Variants in ARL15 observed in about 807,000 individuals in gnomAD.
ARL15 encodes ARF like GTPase 15, also known as ADP-ribosylation factor-like protein 15.
In ARL15, 19 loss-of-function variants were observed where a neutral mutation model predicts 25.2. The ratio of observed to expected loss-of-function variants is 0.75; its 90% CI spans 0.53 to 1.10. ARL15 has a LOEUF of 1.10. ARL15 is among the 50% of genes least tolerant of loss of function. The probability of loss-of-function intolerance (pLI) is 0.00; values close to 1 mark genes in which losing one functional copy is unlikely to be tolerated. For missense variants in ARL15, 220 were observed against 246.0 expected, an observed-to-expected ratio of 0.89 and a Z score of 0.71; for synonymous variants, 94 against 86.8, an observed-to-expected ratio of 1.08 and a Z score of -0.46.
At position 54,193,368 on chromosome 5, in the gene ARL15, C is replaced by T. The variant is rs140281961; in HGVS notation, c.49-21440G>A. Among the ~76,000 whole-genome samples, 10 of 152,258 alleles carry T rather than the reference C, an allele frequency of 6.6e-5. No individual in the cohort carries two copies. The East Asian group carries it at 1.9e-3, about 29-fold the overall frequency. On this transcript the variant is annotated intron_variant, in intron 1 of 4. Coordinates refer to ENST00000504924, the MANE Select transcript of ARL15 (RefSeq NM_019087.3). ...TACTCTAATCCAGGGGTCCTCAACC[C>T]CCAGGCAGTGAACCGGTACTGGTCC...
chr5:53,913,355 C>T (rs1296092303), intron 4 of ARL15, among the ~76,000 whole-genome samples: 1 of 152,152 alleles, frequency 6.6e-6, no homozygotes, highest in South Asian at 2.1e-4. Context: ...CAGATCCTAT[C>T]CCCTTAACTG....
chr5:53,897,844 G>T (rs78871230), intron 4 of ARL15, among the ~76,000 whole-genome samples: 3,253 of 152,174 alleles, frequency 0.021, 119 homozygotes, highest in African/African-American at 0.073. Flanking sequence ...GGGGGTTGGG[G>T]TGCTGACGGC....
chr5:53,976,529 G>A lies in ARL15; in HGVS notation c.463-89816C>T, dbSNP rs1038520832. 2.3e-4 allele frequency among the ~76,000 whole-genome samples: 35 copies of A among 152,180 alleles called. 1 individual carries two copies. Among genetic ancestry groups the A allele is most frequent in the African/African-American group, 8.2e-4 (34 of 41,446 alleles). On this transcript the variant is annotated intron_variant, in intron 4 of 4. Coordinates refer to ENST00000504924, the MANE Select transcript of ARL15 (RefSeq NM_019087.3). ...GGGGACTGAGATGAGTAGATTTCCAGCACAGAAAAAAATAACTTGGGCAAA... is the reference window on the plus strand; with the variant it reads ...GGGGACTGAGATGAGTAGATTTCCAACACAGAAAAAAATAACTTGGGCAAA...
chr5:54,081,016 T>A (rs1751782563), intron 4 of ARL15, among the ~76,000 whole-genome samples: 1 of 152,148 alleles, frequency 6.6e-6, no homozygotes, highest in South Asian at 2.1e-4. Context: ...CCATCAACCC[T>A]ATCAAATGAG....
At chr5:53,963,278 G>T (rs1747428975) in intron 4 of ARL15, among the ~76,000 whole-genome samples, 1 of 152,120 alleles carries the variant, frequency 6.6e-6, no homozygotes, top group African/African-American at 2.4e-5. Context: ...CAAAACTTTT[G>T]CAGACTTTGG....
chr5:53,893,500 C>T (rs1203987269), intron 4 of ARL15, among the ~76,000 whole-genome samples: 11 of 152,030 alleles, frequency 7.2e-5, no homozygotes, highest in African/African-American at 2.4e-4. Flanking sequence ...CCCAGCTCCT[C>T]GGGAGGCTGA....
At chr5:54,041,192 T>C (rs1165670554) in intron 4 of ARL15, among the ~76,000 whole-genome samples, 4 of 152,192 alleles carry the variant, frequency 2.6e-5, no homozygotes, top group South Asian at 2.1e-4. Flanking sequence ...GCAATATAAA[T>C]TGAAAATCTA....
chr5:54,256,697 C>T (rs904635609), intron 1 of ARL15, among the ~76,000 whole-genome samples: 2 of 150,702 alleles, frequency 1.3e-5, no homozygotes, highest in Admixed American at 6.6e-5. Context: ...CTCAACAAAA[C>T]ACTAGCAAAC....
At chr5:54,238,139 C>T (rs1279038884) in intron 1 of ARL15, among the ~76,000 whole-genome samples, 1 of 152,108 alleles carries the variant, frequency 6.6e-6, no homozygotes, top group East Asian at 1.9e-4. Flanking sequence ...TATGGTTACC[C>T]CACCCCTGAG....
At chr5:54,209,679 A>C (rs1326574429) in intron 1 of ARL15, among the ~76,000 whole-genome samples, 1 of 148,238 alleles carries the variant, frequency 6.7e-6, no homozygotes, top group East Asian at 2.0e-4. Flanking sequence ...CTTTAGCTTA[A>C]AGCACATATA....
At chr5:54,119,095 T>G (rs995855560) in intron 3 of ARL15, among the ~76,000 whole-genome samples, 5 of 152,164 alleles carry the variant, frequency 3.3e-5, no homozygotes, top group African/African-American at 9.7e-5. Context: ...CTTCATCACC[T>G]TCCAGCTGGA....
intron 1 of ARL15, among the ~76,000 whole-genome samples, chr5:54,205,644 G>A (rs754201443): frequency 1.3e-5 from 2 of 152,210 alleles, no homozygotes; most frequent in African/African-American, 2.4e-5. Flanking sequence ...ACCTGATATC[G>A]TGTTCATGAT....
intron 1 of ARL15, among the ~76,000 whole-genome samples, chr5:54,229,690 T>G (rs1303097727): frequency 6.6e-6 from 1 of 152,160 alleles, no homozygotes; most frequent in East Asian, 1.9e-4. Context: ...ATCTTAAGAT[T>G]ATTGTTATTC....
chr5:53,998,988 G>C (rs1320269686), intron 4 of ARL15, among the ~76,000 whole-genome samples: 3 of 152,086 alleles, frequency 2.0e-5, no homozygotes, highest in Non-Finnish European at 4.4e-5. Context: ...ATGGGGCATT[G>C]GTGCATTCAC....
At chr5:54,120,962 C>T (rs1049658208) in intron 3 of ARL15, among the ~76,000 whole-genome samples, 2 of 152,154 alleles carry the variant, frequency 1.3e-5, no homozygotes, top group African/African-American at 2.4e-5. Context: ...GAAACTTTAA[C>T]GTACCAATCC....
chr5:54,012,680 A>G lies in ARL15; in HGVS notation c.462+100522T>C, dbSNP rs571039235. On this transcript the variant is annotated intron_variant, in intron 4 of 4. Coordinates refer to ENST00000504924, the MANE Select transcript of ARL15 (RefSeq NM_019087.3). ...CCTGGGATTACAGGCATGTACCACC[A>G]CACCCAGCTAATTTTGTATTTTTAG... 3.3e-5 allele frequency among the ~76,000 whole-genome samples: 5 copies of G among 152,062 alleles called. No homozygotes were observed. In the East Asian group the frequency reaches 9.7e-4, roughly 29 times the overall value.
intron 4 of ARL15, among the ~76,000 whole-genome samples, chr5:54,096,090 A>T (rs1487687052): frequency 2.6e-5 from 4 of 151,006 alleles, no homozygotes; most frequent in African/African-American, 9.6e-5. Flanking sequence ...ATAAGGAGAT[A>T]ATACCACATT....
intron 4 of ARL15, among the ~76,000 whole-genome samples, chr5:54,034,297 G>C (rs1750099941): frequency 6.6e-6 from 1 of 152,164 alleles, no homozygotes; most frequent in South Asian, 2.1e-4. Context: ...AGGACTCATA[G>C]AAACTGCCTG....
At chr5:53,967,621 C>T (rs1304753674) in intron 4 of ARL15, among the ~76,000 whole-genome samples, 1 of 152,044 alleles carries the variant, frequency 6.6e-6, no homozygotes, top group Non-Finnish European at 1.5e-5. Flanking sequence ...GTACATTTAA[C>T]CTAAGACTTG....
Sources: allele counts gnomAD v4.1 joint callset (sites outside exome capture counted in the v4.1 genomes callset), GRCh38; gene constraint gnomAD v4.1.1; transcripts MANE v1.5; gene names NCBI Gene and HGNC (gene_info 2026-07-23, HGNC 2026-07-21).